TMEM232: variants seen among roughly 807,000 people sequenced by gnomAD.
TMEM232 encodes the protein transmembrane protein 232.
Under a neutral mutation model 78.8 loss-of-function variants are expected in TMEM232, and 80 were observed. The observed-to-expected ratio is 1.01, with a 90% CI of 0.85 to 1.22. The LOEUF is 1.22. Ranked by LOEUF, TMEM232 falls within the 50% of genes most tolerant of loss-of-function variation. The pLI is 0.00. For synonymous variants in TMEM232, 297 were observed against 254.3 expected, an observed-to-expected ratio of 1.17 and a Z score of -1.60; for missense variants, 881 against 742.2, an observed-to-expected ratio of 1.19 and a Z score of -2.17.
At chr5:110,698,905 G>A (rs547111949) in intron 1 of TMEM232, among the ~76,000 whole-genome samples, 34 of 151,958 alleles carry the variant, frequency 2.2e-4, no homozygotes, top group Middle Eastern at 3.2e-3. Flanking sequence ...GAGCAATTGC[G>A]ATAAAATTGC....
intron 10 of TMEM232, among the ~76,000 whole-genome samples, chr5:110,604,509 T>C (rs984459099): frequency 2.6e-5 from 4 of 152,204 alleles, no homozygotes; most frequent in African/African-American, 9.6e-5. Flanking sequence ...GGAAAGAAGA[T>C]AAATCCTATG....
chr5:110,711,842 C>T (rs1796513599), intron 1 of TMEM232, among the ~76,000 whole-genome samples: 1 of 152,112 alleles, frequency 6.6e-6, no homozygotes, highest in African/African-American at 2.4e-5. Context: ...TGTGGTGGCT[C>T]ACGCCTGTAA....
intron 11 of TMEM232, among the ~76,000 whole-genome samples, chr5:110,529,115 G>A (rs985706454): frequency 3.9e-5 from 6 of 152,022 alleles, no homozygotes; most frequent in African/African-American, 1.4e-4. Flanking sequence ...TACGTGCCGT[G>A]TAAGAATTTC....
At chr5:110,520,300 T>C (rs1488612830) in intron 12 of TMEM232, among the ~76,000 whole-genome samples, 2 of 151,996 alleles carry the variant, frequency 1.3e-5, no homozygotes, top group African/African-American at 4.8e-5. Context: ...AGCTAGTATG[T>C]ATTCATAATA....
At chr5:110,456,384 TAAAAG>T (rs944682975) in intron 12 of TMEM232, among the ~76,000 whole-genome samples, 4 of 152,054 alleles carry the variant, frequency 2.6e-5, no homozygotes, top group South Asian at 2.1e-4. Context: ...AAAAAATTGA[TAAAAG>T]AAATCAAAAC....
intron 1 of TMEM232, among the ~76,000 whole-genome samples, chr5:110,705,625 A>G (rs1795844552): frequency 7.0e-6 from 1 of 143,700 alleles, no homozygotes; most frequent in Admixed American, 7.2e-5. Flanking sequence ...GAAGGTATAC[A>G]TTTGTGGAAA....
chr5:110,706,085 T>C (rs1795906120), intron 1 of TMEM232, among the ~76,000 whole-genome samples: 1 of 152,066 alleles, frequency 6.6e-6, no homozygotes, highest in South Asian at 2.1e-4. Context: ...CTTATAATAA[T>C]GAAGACATTG....
intron 2 of TMEM232, among the ~76,000 whole-genome samples, chr5:110,413,333 C>T (rs879446423): frequency 6.6e-6 from 1 of 152,132 alleles, no homozygotes; most frequent in African/African-American, 2.4e-5. Flanking sequence ...TCCAGGGGCT[C>T]TCAGGCCTTC....
intron 12 of TMEM232, among the ~76,000 whole-genome samples, chr5:110,466,148 T>G (rs1457788522): frequency 6.6e-6 from 1 of 152,186 alleles, no homozygotes; most frequent in Non-Finnish European, 1.5e-5. Flanking sequence ...TAATCACAAC[T>G]TTGAAAAATT....
chr5:110,727,226 CTA>C (rs1353804932), upstream of TMEM232, among the ~76,000 whole-genome samples: 8 of 152,150 alleles, frequency 5.3e-5, no homozygotes, highest in African/African-American at 1.2e-4. Flanking sequence ...TGTAGAATTC[CTA>C]TGTCTACTAA....
chr5:110,434,724 A>G (rs1758234267), intron 12 of TMEM232, among the ~76,000 whole-genome samples: 1 of 152,234 alleles, frequency 6.6e-6, no homozygotes, highest in South Asian at 2.1e-4. Context: ...TAGCAAACCA[A>G]ATGCGGCAGC....
chr5:110,544,735 CA>C (rs199716835), intron 11 of TMEM232, among the ~76,000 whole-genome samples: 2,608 of 152,026 alleles, frequency 0.017, 23 homozygotes, highest in Non-Finnish European at 0.029. Flanking sequence ...TTAAGTGACT[CA>C]AAGTAGTGTC....
At chr5:110,618,993 TAGCA>T (rs997899400) in intron 7 of TMEM232, among the ~76,000 whole-genome samples, 50 of 152,332 alleles carry the variant, frequency 3.3e-4, no homozygotes, top group African/African-American at 1.1e-3. Flanking sequence ...AATGTATGCC[TAGCA>T]AGACATCGTC....
chr5:110,575,153 T>G (rs1318454622), intron 10 of TMEM232, among the ~76,000 whole-genome samples: 1 of 152,042 alleles, frequency 6.6e-6, no homozygotes, highest in Non-Finnish European at 1.5e-5. Flanking sequence ...ATAATACAAA[T>G]AATGATAATG....
intron 1 of TMEM232, among the ~76,000 whole-genome samples, chr5:110,722,023 C>T (rs1209758069): frequency 6.6e-6 from 1 of 151,596 alleles, no homozygotes; most frequent in Non-Finnish European, 1.5e-5. Context: ...AATTCCAGGG[C>T]AGTATTTTAT....
At chr5:110,398,897 G>A (rs944392351) in intron 2 of TMEM232, among the ~76,000 whole-genome samples, 5 of 152,058 alleles carry the variant, frequency 3.3e-5, no homozygotes, top group African/African-American at 1.2e-4. Flanking sequence ...GATGGTTCTG[G>A]TGTTGGCAGC....
chr5:110,480,607 T>C (rs1763754759), intron 12 of TMEM232, among the ~76,000 whole-genome samples: 1 of 152,062 alleles, frequency 6.6e-6, no homozygotes, highest in Non-Finnish European at 1.5e-5. Flanking sequence ...TTCCCACCCA[T>C]TCCTTTTGAT....
chr5:110,651,775 A>G (rs1308204903), intron 2 of TMEM232, among the ~76,000 whole-genome samples: 1 of 152,040 alleles, frequency 6.6e-6, no homozygotes, highest in African/African-American at 2.4e-5. Context: ...GGGTGGGGCA[A>G]GGGATGGAGG....
In TMEM232 at chr5:110,574,352, T is replaced by C. The variant is rs186493482; in HGVS notation, c.1277-5727A>G. 2.9e-3 allele frequency among the ~76,000 whole-genome samples: 436 copies of C among 152,178 alleles called. 2 individuals carry two copies. Among genetic ancestry groups the C allele is most frequent in the African/African-American group, 0.01 (418 of 41,576 alleles). ...AAGTAATCTAGAAGCAAAGTGATGA[T>C]AGTTTGGACTTGGCAAAGGTACACT... is the stretch of plus-strand genomic sequence containing the variant. On this transcript the variant is annotated intron_variant, in intron 10 of 13. Transcript: ENST00000455884.
Sources: gnomAD v4.1 joint callset for allele counts (sites outside exome capture counted in the v4.1 genomes callset) on GRCh38, gnomAD v4.1.1 for gene constraint, MANE v1.5 for transcripts, NCBI Gene and HGNC (gene_info 2026-07-23, HGNC 2026-07-21) for gene names.